Variants in NRDC observed in about 807,000 individuals in gnomAD.
NRDC encodes nardilysin convertase, also known as nardilysin.
A neutral mutation model predicts 147.1 loss-of-function variants in NRDC; 54 were observed. The ratio of observed to expected loss-of-function variants is 0.37; its 90% CI spans 0.29 to 0.46. NRDC has a LOEUF of 0.46. Among genes scored for constraint, NRDC ranks in the 20% least tolerant of loss-of-function variants. The probability of loss-of-function intolerance (pLI) is 1.00; values close to 1 mark genes in which losing one functional copy is unlikely to be tolerated. For missense variants in NRDC, 1,082 were observed against 1,370.6 expected, an observed-to-expected ratio of 0.79 and a Z score of 3.33; for synonymous variants, 440 against 482.1, an observed-to-expected ratio of 0.91 and a Z score of 1.14.
At chr1:51,810,447 A>C in intron 15 of NRDC, 43 bp from the exon 16 acceptor site, 1 of 1,566,904 alleles carries the variant, frequency 6.4e-7, no homozygotes, top group East Asian at 2.3e-5. Context: ...CACAATTTTA[A>C]CCTAATACAT....
rs1275375252 is a variant in NRDC, at chr1:51,878,487, T to C, written c.129A>G (p.Arg43=). 6.2e-7 allele frequency: 1 copy of C among 1,613,762 alleles called. No homozygotes were observed. Among genetic ancestry groups the C allele is most frequent in the Non-Finnish European group, 8.5e-7 (1 of 1,179,988 alleles). The stretch of plus-strand genomic sequence containing the variant: ...CAGGCATGGCCAGAATAGGAAAGGG[T>C]CTGGCAGCAGCAGAGTCTTCGCACC... ...RGRCEDSAAA[R]PFPILAMPGR... is the part of the protein sequence containing the mutation. Residue 43 remains arginine, a synonymous_variant, in exon 1 of 31, where the codon AGA becomes AGG. Transcript: ENST00000352171.
At chr1:51,836,394 T>C in intron 2 of NRDC, 182 bp from the exon 3 acceptor site, 1 of 1,613,898 alleles carries the variant, frequency 6.2e-7, no homozygotes, top group Non-Finnish European at 8.5e-7. Context: ...TTCACCCTGC[T>C]GCTCCTCCGC....
intron 1 of NRDC, among the ~76,000 whole-genome samples, chr1:51,858,254 A>T (rs1682354949): frequency 6.6e-6 from 1 of 152,144 alleles, no homozygotes; most frequent in Admixed American, 6.5e-5. Flanking sequence ...TCAAAGCAGG[A>T]AGATCGCTTG....
intron 4 of NRDC, among the ~76,000 whole-genome samples, chr1:51,828,824 T>A (rs1280423091): frequency 6.7e-6 from 1 of 149,986 alleles, no homozygotes; most frequent in African/African-American, 2.5e-5. Flanking sequence ...GTTCAAGCAA[T>A]CCTCCTGCCT....
Position 51,871,068 on chromosome 1 carries a change from G to C in NRDC, c.341+7207C>G, listed in dbSNP as rs183873590. 1.9e-3 allele frequency among the ~76,000 whole-genome samples: 289 copies of C among 152,208 alleles called. 3 individuals carry two copies. The highest frequency in any genetic ancestry group is 3.4e-3 in the Non-Finnish European group (229 of 68,008). Reference sequence around the variant, plus strand: ...GTGGTGCCTCAGGCCTGCAATCCCAGCACTTTGGGAGGCTGAGACAGGTGG... The same window carrying C: ...GTGGTGCCTCAGGCCTGCAATCCCACCACTTTGGGAGGCTGAGACAGGTGG... On this transcript the variant is annotated intron_variant, in intron 1 of 30. Transcript: ENST00000352171.
At chr1:51,864,728 G>T (rs540849266) in intron 1 of NRDC, among the ~76,000 whole-genome samples, 53 of 152,150 alleles carry the variant, frequency 3.5e-4, no homozygotes, top group African/African-American at 1.2e-3. Flanking sequence ...AAGGAGGGCA[G>T]ATCACTTGAG....
chr1:51,874,716 T>C (rs1683243203), intron 1 of NRDC, among the ~76,000 whole-genome samples: 3 of 152,172 alleles, frequency 2.0e-5, no homozygotes, highest in African/African-American at 7.2e-5. Context: ...ATTCCCAACC[T>C]GAAGTCCCTT....
At chr1:51,815,276 G>A (rs979526428) in intron 11 of NRDC, among the ~76,000 whole-genome samples, 13 of 149,908 alleles carry the variant, frequency 8.7e-5, no homozygotes, top group Middle Eastern at 3.2e-3. Context: ...CTCCACCTCG[G>A]CCTCCCAAGT....
chr1:51,834,461 C>G (rs1277293065), intron 3 of NRDC, among the ~76,000 whole-genome samples: 1 of 151,998 alleles, frequency 6.6e-6, no homozygotes, highest in Non-Finnish European at 1.5e-5. Flanking sequence ...ATTACAGGCA[C>G]TTGCCACCAT....
intron 17 of NRDC, 41 bp downstream of exon 17, chr1:51,809,274 C>T (rs1218279485): frequency 6.9e-6 from 9 of 1,312,682 alleles, no homozygotes; most frequent in African/African-American, 1.4e-5. Flanking sequence ...TGCCTATTAG[C>T]ACATGGATGG....
In NRDC at chr1:51,840,629, A is replaced by G. The variant is rs917815580; in HGVS notation, c.342-115T>C. ...AATCCAAGTAAAAGTACAAACACAC[A>G]CACACACAACTATTTGTAAACTAAT... On this transcript the variant is annotated intron_variant, in intron 1 of 30. Transcript: ENST00000352171. The G allele has an allele frequency of 1.0e-5, 7 of 682,492 alleles. No individual in the cohort carries two copies. In the African/African-American group the frequency reaches 1.3e-4, roughly 12 times the overall value. The allele number at this position is 682,492 out of a possible 1,614,324, so 42.3% of individuals were successfully genotyped here. A position where few individuals can be genotyped will look rare whatever the true frequency, so the allele number is the denominator to read the frequency against.
At chr1:51,803,198 G>A (rs75031462) in intron 20 of NRDC, among the ~76,000 whole-genome samples, 3,300 of 152,266 alleles carry the variant, frequency 0.022, 57 homozygotes, top group Non-Finnish European at 0.034. Context: ...TTCCACAGCC[G>A]GCATGGTGGC....
Position 51,790,595 on chromosome 1 carries a change from C to T in NRDC, c.3106G>A (p.Val1036Met), listed in dbSNP as rs1195047549. ...ACCACTTCATTCCAGTTCCTATCCA[C>T]CTCCTCCCCAAGGTGGGTATCCTCA... ...ECEDTHLGEE[V>M]DRNWNEVVTQ... Residue 1036 changes from valine (V) to methionine (M), a missense_variant, in exon 29 of 31, where the codon GTG becomes ATG. Coordinates refer to ENST00000352171, the MANE Select transcript of NRDC (RefSeq NM_001101662.2). 5 of 1,613,972 alleles carry T rather than the reference C, an allele frequency of 3.1e-6. No individual in the cohort carries two copies. In the East Asian group the frequency reaches 6.7e-5, roughly 22 times the overall value.
intron 20 of NRDC, 148 bp downstream of exon 20, chr1:51,803,666 G>A: frequency 1.7e-6 from 1 of 574,810 alleles, no homozygotes; most frequent in East Asian, 3.0e-5. Flanking sequence ...GTCAGTCACA[G>A]TTAGAATAGC....
intron 1 of NRDC, among the ~76,000 whole-genome samples, chr1:51,855,550 CAT>C (rs1682194239): frequency 6.6e-6 from 1 of 151,446 alleles, no homozygotes; most frequent in Non-Finnish European, 1.5e-5. Context: ...AAAACAATAT[CAT>C]AAACAAAATC....
At chr1:51,826,785 A>T (rs1331444010) in intron 5 of NRDC, among the ~76,000 whole-genome samples, 1 of 152,210 alleles carries the variant, frequency 6.6e-6, no homozygotes, top group Non-Finnish European at 1.5e-5. Context: ...TTCTTTCAGC[A>T]TAATTTTTCA....
In NRDC at chr1:51,836,230, C is replaced by T; in HGVS notation, c.631-18G>A. ...GCTGCAGACTGGAGTAATTAGAACA[C>T]ATACAAATAGTTGAGTCAACCCTAA... On this transcript the variant is annotated intron_variant, in intron 2 of 30. Transcript: ENST00000352171. 1 of 1,612,264 alleles carries T rather than the reference C, an allele frequency of 6.2e-7. No individual in the cohort carries two copies. Among genetic ancestry groups the T allele is most frequent in the Non-Finnish European group, 8.5e-7 (1 of 1,178,392 alleles).
rs113829213 is a variant in NRDC, at chr1:51,805,533, C to T, written c.2139G>A (p.Pro713=). The change falls in exon 19 of 31, where the codon CCG becomes CCA. Residue 713 remains proline (P), a synonymous_variant. Coordinates refer to ENST00000352171, the MANE Select transcript of NRDC (RefSeq NM_001101662.2). ...KAYIRFHLIS[P]LIQKSAANVV... is the part of the protein sequence containing the mutation. Reference sequence around the variant, plus strand: ...ACTTTGCTGCAGATTTCTGTATCAACGGTGAAATTAGATGGAAACGTATAT... The same window carrying T: ...ACTTTGCTGCAGATTTCTGTATCAATGGTGAAATTAGATGGAAACGTATAT... 1.8e-4 allele frequency: 288 copies of T among 1,584,858 alleles called. No homozygotes were observed. The African/African-American group carries it at 3.0e-3, about 16-fold the overall frequency.
rs377057815 is a variant in NRDC, at chr1:51,833,974, G to A, written c.866+43C>T. On this transcript the variant is annotated intron_variant, in intron 4 of 30. Transcript: ENST00000352171. ...AACACTCTATTTACATTTGCAAAGT[G>A]CCATTAGATCATTAAAATTAAAGTA... 70 of 1,534,526 alleles carry A rather than the reference G, an allele frequency of 4.6e-5. No homozygotes were observed. The African/African-American group carries it at 7.0e-4, about 15-fold the overall frequency.
Sources: gnomAD v4.1 joint callset for allele counts (sites outside exome capture counted in the v4.1 genomes callset) on GRCh38, gnomAD v4.1.1 for gene constraint, MANE v1.5 for transcripts, NCBI Gene and HGNC (gene_info 2026-07-23, HGNC 2026-07-21) for gene names.